The following PDE6B variants were observed in gnomAD, a reference collection of about 807,000 sequenced individuals.
PDE6B encodes the protein phosphodiesterase 6B.
Under a neutral mutation model 109.0 loss-of-function variants are expected in PDE6B, and 106 were observed. That is an observed-to-expected ratio of 0.97 (90% CI 0.83 to 1.14). The LOEUF is 1.14. Among genes scored for constraint, PDE6B ranks in the 50% most tolerant of loss-of-function variants. PDE6B has a pLI of 0.00. For synonymous variants in PDE6B, 490 were observed against 471.3 expected (o/e 1.04, Z -0.51); for missense variants, 1,193 against 1,155.6 (o/e 1.03, Z -0.47).
In PDE6B at chr4:662,539, C is replaced by G. The variant is rs1448980326; in HGVS notation, c.1753C>G (p.Leu585Val). The G allele has an allele frequency of 9.3e-6, 15 of 1,612,756 alleles. No individual in the cohort carries two copies. Among genetic ancestry groups the G allele is most frequent in the Non-Finnish European group, 1.3e-5 (15 of 1,179,610 alleles). Residue 585 changes from leucine to valine, a missense_variant, in exon 14 of 22, where the codon CTG becomes GTG. Leu to Val is a conservative substitution (Grantham distance 32, BLOSUM62 1). Coordinates refer to ENST00000496514, the MANE Select transcript of PDE6B (RefSeq NM_000283.4). This position sits in a 1 kb window ranked among gnomAD's most constrained non-coding sequence, Gnocchi z 4.3. The part of the protein sequence containing the change: ...TGKLKSYYTD[L>V]EAFAMVTAGL... ...CAAACTGAAGAGCTACTACACGGAC[C>G]TGGAGGCCTTCGCCATGGTGACAGC...
intron 3 of PDE6B, chr4:653,574 G>A (rs963253685): frequency 7.1e-6 from 4 of 559,832 alleles, no homozygotes; most frequent in African/African-American, 1.9e-5. Flanking sequence ...CAAGCTCAAA[G>A]CGACAGATTC....
At chr4:635,745 T>TG (rs1163983746) in intron 2 of PDE6B, 135 bp from the exon 3 acceptor site, 2 of 707,168 alleles carry the variant, frequency 2.8e-6, no homozygotes, top group Non-Finnish European at 5.2e-6. Flanking sequence ...TGCCAATCCA[T>TG]GTCTGCCTGT....
rs150639487 is a variant in PDE6B, at chr4:664,903, G to A, written c.2152G>A (p.Asp718Asn). 8.7e-6 allele frequency: 14 copies of A among 1,613,206 alleles called. No homozygotes were observed. Among genetic ancestry groups the A allele is most frequent in the East Asian group, 4.5e-5 (2 of 44,904 alleles). ...CAGGGCCATGATGATGACAGCCTGCGACCTGTCTGCCATCACCAAGCCCTG... is the reference window on the plus strand; with the variant it reads ...CAGGGCCATGATGATGACAGCCTGCAACCTGTCTGCCATCACCAAGCCCTG... Reference protein sequence around the residue: ...IVMAMMMTACDLSAITKPWEV... With the variant: ...IVMAMMMTACNLSAITKPWEV... Residue 718 changes from aspartate (D) to asparagine (N), a missense_variant, in exon 18 of 22, where the codon GAC (aspartate) becomes AAC (asparagine). Transcript: ENST00000496514.
At chr4:634,614 G>C in intron 1 of PDE6B, 63 bp from the exon 2 acceptor site, 3 of 1,353,356 alleles carry the variant, frequency 2.2e-6, no homozygotes, top group East Asian at 2.3e-5. Flanking sequence ...GACAACCCCA[G>C]TGGTGCGGGC....
intron 12 of PDE6B, 86 bp downstream of exon 12, chr4:660,699 C>T: frequency 8.3e-7 from 1 of 1,209,312 alleles, no homozygotes; most frequent in Non-Finnish European, 1.2e-6. Context: ...CTCAGGTGCC[C>T]CAGAAGGTGA....
intron 3 of PDE6B, among the ~76,000 whole-genome samples, chr4:641,571 G>A (rs28477853): frequency 0.024 from 3,633 of 152,294 alleles, 144 homozygotes; most frequent in African/African-American, 0.084. Context: ...CCACCTAGGC[G>A]TCCCAGCTCC....
intron 11 of PDE6B, 48 bp from the exon 12 acceptor site, chr4:660,419 G>C (rs1736921325): frequency 1.9e-6 from 3 of 1,594,800 alleles, no homozygotes; most frequent in South Asian, 1.1e-5. Flanking sequence ...AGAAGCAAGT[G>C]GGGGCTGTGG....
chr4:640,177 C>G (rs1305177956), intron 3 of PDE6B, among the ~76,000 whole-genome samples: 10 of 152,122 alleles, frequency 6.6e-5, no homozygotes, highest in East Asian at 1.9e-4. Flanking sequence ...TATTTTCTAC[C>G]AAGATGTGGC....
intron 17 of PDE6B, 128 bp from the exon 18 acceptor site, chr4:664,753 C>G: frequency 1.2e-6 from 1 of 802,404 alleles, no homozygotes; most frequent in South Asian, 1.3e-5. Flanking sequence ...TTGCAGTGAG[C>G]TGAGATTGCG....
intron 8 of PDE6B, 143 bp from the exon 9 acceptor site, chr4:656,731 G>C: frequency 1.4e-6 from 1 of 716,364 alleles, no homozygotes; most frequent in Non-Finnish European, 2.5e-6. Flanking sequence ...GAGGGAGAGA[G>C]GGAATGCAGA....
chr4:663,225 GGGGA>G lies in PDE6B; in HGVS notation c.1920+39_1920+42del. On this transcript the variant is annotated intron_variant, in intron 15 of 21. Transcript: ENST00000496514. This position sits in a 1 kb window ranked among gnomAD's most constrained non-coding sequence, Gnocchi z 4.0. ...ACCCTCGGTTTCTGCTGTGGGCGCT[GGGGA>G]CGCAGCGTCCGCAGGACGGCAGGGC... 5.1e-6 allele frequency: 6 copies of G among 1,171,058 alleles called. No homozygotes were observed. Among genetic ancestry groups the G allele is most frequent in the Non-Finnish European group, 7.7e-6 (6 of 775,630 alleles). 72.5% of individuals were successfully genotyped at this position (1,171,058 alleles called of 1,614,324 possible).
chr4:667,736 C>T (rs1737958604), intron 20 of PDE6B, 120 bp from the exon 21 acceptor site: 9 of 1,071,828 alleles, frequency 8.4e-6, no homozygotes, highest in Middle Eastern at 2.6e-4. Flanking sequence ...CCCTCCGTGG[C>T]GCTCCCTCCT....
At chr4:660,719 G>C in intron 12 of PDE6B, 106 bp downstream of exon 12, 1 of 972,226 alleles carries the variant, frequency 1.0e-6, no homozygotes, top group Non-Finnish European at 1.6e-6. Flanking sequence ...AGGGGGATGG[G>C]ATTGGGGGTT....
chr4:665,300 G>A lies in PDE6B; in HGVS notation c.2239G>A (p.Glu747Lys). The A allele has an allele frequency of 1.9e-6, 3 of 1,612,848 alleles. No individual in the cohort carries two copies. Among genetic ancestry groups the A allele is most frequent in the South Asian group, 1.1e-5 (1 of 91,072 alleles). Residue 747 changes from glutamate (E) to lysine (K), a missense_variant, in exon 19 of 22, where the codon GAA (glutamate) becomes AAA (lysine). By Grantham distance (56) the Glu-to-Lys change is moderately conservative. Coordinates refer to ENST00000496514, the MANE Select transcript of PDE6B (RefSeq NM_000283.4). The surrounding 1 kb of genome is among the most constrained non-coding windows in gnomAD (Gnocchi z 4.0). ...TGAGTTCTGGGAGCAAGGTGACTTG[G>A]AAAGGACAGTCTTGGATCAGCAGCC... The part of the protein sequence containing the change: ...AAEFWEQGDL[E>K]RTVLDQQPIP...
chr4:634,459 G>T (rs1195091977), intron 1 of PDE6B, among the ~76,000 whole-genome samples: 1 of 152,200 alleles, frequency 6.6e-6, no homozygotes. Context: ...GGGGGCACCA[G>T]CATCCTCCGC....
chr4:657,044 G>C, intron 9 of PDE6B, 21 bp downstream of exon 9: 1 of 1,611,488 alleles, frequency 6.2e-7, no homozygotes, highest in Non-Finnish European at 8.5e-7. Flanking sequence ...GGGCAGACGT[G>C]GTTCCGCCGG....
chr4:666,751 C>T lies in PDE6B; in HGVS notation c.2352+137C>T, dbSNP rs536755360. 6.4e-5 allele frequency: 45 copies of T among 699,088 alleles called. No homozygotes were observed. Among genetic ancestry groups the T allele is most frequent in the African/African-American group, 4.6e-4 (26 of 57,028 alleles). The allele number at this position is 699,088 out of a possible 1,614,324, so 43.3% of individuals were successfully genotyped here. A position where few individuals can be genotyped will look rare whatever the true frequency, so the allele number is the denominator to read the frequency against. ...GGAGTAGGGATGCCAGTGCCAGCTT[C>T]GTGCCGCTCTTGAGTGGGGCAAATG... On this transcript the variant is annotated intron_variant, in intron 20 of 21. Transcript: ENST00000496514. The surrounding 1 kb of genome is among the most constrained non-coding windows in gnomAD (Gnocchi z 5.6).
At position 663,798 on chromosome 4, in the gene PDE6B, G is replaced by A. The variant is rs1182502700; in HGVS notation, c.1949G>A (p.Arg650Gln). The change falls in exon 16 of 22, where the codon CGG becomes CAG. Residue 650 changes from arginine (R) to glutamine (Q), a missense_variant. Arg to Gln is a conservative substitution (Grantham distance 43). Transcript: ENST00000496514. The surrounding 1 kb of genome is among the most constrained non-coding windows in gnomAD (Gnocchi z 4.0). ...CTGAACATCTACCAGAACCTGAACC[G>A]GCGGCAGCACGAGCACGTGATCCAC... ...ETLNIYQNLNRRQHEHVIHLM... is the reference protein window; with the variant it reads ...ETLNIYQNLNQRQHEHVIHLM... 2 of 1,612,470 alleles carry A rather than the reference G, an allele frequency of 1.2e-6. No homozygotes were observed. Among genetic ancestry groups the A allele is most frequent in the Middle Eastern group, 1.6e-4 (1 of 6,062 alleles).
chr4:642,443 T>G (rs1219434078), intron 3 of PDE6B, among the ~76,000 whole-genome samples: 1 of 150,830 alleles, frequency 6.6e-6, no homozygotes, highest in African/African-American at 2.4e-5. Context: ...GCCATTGCAC[T>G]CCAGCCTGGG....
Sources: gnomAD v4.1 joint callset for allele counts (sites outside exome capture counted in the v4.1 genomes callset) on GRCh38, gnomAD v4.1.1 for gene constraint, Gnocchi (gnomAD v3.1) non-coding constraint, MANE v1.5 for transcripts, NCBI Gene and HGNC (gene_info 2026-07-23, HGNC 2026-07-21) for gene names.